The following PDGFC variants were observed in gnomAD, a reference collection of about 807,000 sequenced individuals.
PDGFC encodes platelet-derived growth factor C.
Under a neutral mutation model 35.5 loss-of-function variants are expected in PDGFC, and 12 were observed. That is an observed-to-expected ratio of 0.34 (90% CI 0.22 to 0.55). The LOEUF is 0.55. Ranked by LOEUF, PDGFC falls within the 20% of genes least tolerant of loss-of-function variation. The probability of loss-of-function intolerance (pLI) is 0.91; values close to 1 mark genes in which losing one functional copy is unlikely to be tolerated. For synonymous variants in PDGFC, 159 were observed against 148.8 expected, an observed-to-expected ratio of 1.07 and a Z score of -0.50; for missense variants, 322 against 412.4, an observed-to-expected ratio of 0.78 and a Z score of 1.90.
chr4:156,782,062 G>A (rs1255883657), intron 3 of PDGFC, among the ~76,000 whole-genome samples: 1 of 152,120 alleles, frequency 6.6e-6, no homozygotes, highest in Non-Finnish European at 1.5e-5. Flanking sequence ...CTAGACTGAT[G>A]TGGCAAATCA....
chr4:156,971,014 C>T lies in PDGFC; in HGVS notation c.-111G>A, dbSNP rs1579134748. ...GCTGCACTGGGGTGGAAGCGCCGAG[C>T]CTGCTCTGGCAGCAGAGAATCGCAG... On this transcript the variant is annotated 5_prime_UTR_variant, in exon 1 of 6. Transcript: ENST00000502773. 7 of 681,590 alleles carry T rather than the reference C, an allele frequency of 1.0e-5. No individual in the cohort carries two copies. The highest frequency in any genetic ancestry group is 1.7e-5 in the South Asian group (1 of 59,264). 42.2% of individuals were successfully genotyped at this position (681,590 alleles called of 1,614,324 possible).
chr4:156,782,714 CA>C (rs1447671433), intron 3 of PDGFC, among the ~76,000 whole-genome samples: 3 of 152,188 alleles, frequency 2.0e-5, no homozygotes, highest in South Asian at 2.1e-4. Flanking sequence ...AAACGATCAC[CA>C]GGGGCAACAG....
intron 3 of PDGFC, among the ~76,000 whole-genome samples, chr4:156,803,204 G>A (rs916389546): frequency 6.6e-6 from 1 of 152,108 alleles, no homozygotes; most frequent in African/African-American, 2.4e-5. Context: ...TGAGTGTACT[G>A]AGAGGAGATT....
At chr4:156,943,376 G>A (rs564961118) in intron 1 of PDGFC, among the ~76,000 whole-genome samples, 9 of 152,188 alleles carry the variant, frequency 5.9e-5, no homozygotes, top group Non-Finnish European at 8.8e-5. Flanking sequence ...TAGTAAAAGT[G>A]TGGTGCACAG....
At chr4:156,780,297 G>A (rs915256387) in intron 3 of PDGFC, among the ~76,000 whole-genome samples, 5 of 151,802 alleles carry the variant, frequency 3.3e-5, no homozygotes, top group South Asian at 2.1e-4. Context: ...TCAAGATAAC[G>A]CCTAACAGTG....
At chr4:156,883,598 A>C (rs957142418) in intron 1 of PDGFC, among the ~76,000 whole-genome samples, 4 of 152,216 alleles carry the variant, frequency 2.6e-5, no homozygotes, top group Admixed American at 2.0e-4. Context: ...GCAGAAGAAA[A>C]CAAATTAACT....
At chr4:156,775,487 T>C (rs1172508597) in intron 3 of PDGFC, among the ~76,000 whole-genome samples, 3 of 152,194 alleles carry the variant, frequency 2.0e-5, no homozygotes, top group African/African-American at 7.2e-5. Flanking sequence ...ATAATTGCTA[T>C]GTAGGGTAAT....
chr4:156,851,702 G>A (rs533567424), intron 1 of PDGFC, among the ~76,000 whole-genome samples: 1 of 152,108 alleles, frequency 6.6e-6, no homozygotes, highest in Non-Finnish European at 1.5e-5. Context: ...CCAGCACTTT[G>A]GGAGGCCGAG....
chr4:156,967,774 A>ATT (rs1268433305), intron 1 of PDGFC: 1 of 152,144 alleles, frequency 6.6e-6, no homozygotes, highest in Non-Finnish European at 1.5e-5. Context: ...AAATATGAGT[A>ATT]TTTTTCACCA....
chr4:156,806,740 T>C (rs1731780007), intron 3 of PDGFC, among the ~76,000 whole-genome samples: 1 of 152,120 alleles, frequency 6.6e-6, no homozygotes, highest in Non-Finnish European at 1.5e-5. Context: ...ATAAAGTCTT[T>C]TGATTCTGGA....
At position 156,932,108 on chromosome 4, in the gene PDGFC, T is replaced by A. The variant is rs148155389; in HGVS notation, c.118+38678A>T. Among the ~76,000 whole-genome samples the A allele has an allele frequency of 6.9e-3, 1,045 of 152,326 alleles. 11 individuals are homozygous for A. The highest frequency in any genetic ancestry group is 0.023 in the African/African-American group (940 of 41,570). On this transcript the variant is annotated intron_variant, in intron 1 of 5. Coordinates refer to ENST00000502773, the MANE Select transcript of PDGFC (RefSeq NM_016205.3). ...TTAATCTATTATTAAGAACATTTAATGTGCTCTGTTTTGATCAGGAGTCTA... is the reference window on the plus strand; with the variant it reads ...TTAATCTATTATTAAGAACATTTAAAGTGCTCTGTTTTGATCAGGAGTCTA...
chr4:156,803,299 T>C lies in PDGFC; in HGVS notation c.495+7538A>G, dbSNP rs190737048. ...CCAAAAAATAATTCTAAGGGAAACA[T>C]AAAAAGAACAGAAACGGAAATGTAG... is the stretch of plus-strand genomic sequence containing the variant. On this transcript the variant is annotated intron_variant, in intron 3 of 5. Coordinates refer to ENST00000502773, the MANE Select transcript of PDGFC (RefSeq NM_016205.3). Among the ~76,000 whole-genome samples the C allele has an allele frequency of 9.9e-5, 15 of 152,108 alleles. 1 individual carries two copies. In the East Asian group the frequency reaches 2.9e-3, roughly 29 times the overall value.
At chr4:156,915,321 T>C (rs866981822) in intron 1 of PDGFC, among the ~76,000 whole-genome samples, 17 of 152,080 alleles carry the variant, frequency 1.1e-4, no homozygotes, top group South Asian at 2.1e-4. Flanking sequence ...AACTCTAAGG[T>C]GGTCATCAGT....
At chr4:156,881,525 T>C (rs1171176066) in intron 1 of PDGFC, among the ~76,000 whole-genome samples, 1 of 152,030 alleles carries the variant, frequency 6.6e-6, no homozygotes, top group Non-Finnish European at 1.5e-5. Flanking sequence ...GTCTTTCCTG[T>C]GGTGTTCTCA....
At chr4:156,801,664 A>G (rs1731616410) in intron 3 of PDGFC, among the ~76,000 whole-genome samples, 1 of 152,228 alleles carries the variant, frequency 6.6e-6, no homozygotes, top group African/African-American at 2.4e-5. Flanking sequence ...AATCAAATAT[A>G]AAGTCAATCT....
rs76372821 is a variant in PDGFC, at chr4:156,879,470, C to T, written c.119-29054G>A. ...ACTTGAATCCCTCTTTAGTAAGAAGCCTAACAGTGAAAAAGATAACAAAAA... is the reference window on the plus strand; with the variant it reads ...ACTTGAATCCCTCTTTAGTAAGAAGTCTAACAGTGAAAAAGATAACAAAAA... On this transcript the variant is annotated intron_variant, in intron 1 of 5. Transcript: ENST00000502773. Among the ~76,000 whole-genome samples the T allele has an allele frequency of 8.2e-3, 1,242 of 152,154 alleles. 17 individuals carry two copies. Among genetic ancestry groups the T allele is most frequent in the African/African-American group, 0.029 (1,193 of 41,532 alleles).
chr4:156,804,764 T>C (rs1425482), intron 3 of PDGFC, among the ~76,000 whole-genome samples: 58,538 of 151,818 alleles, frequency 0.39, 14,703 homozygotes, highest in African/African-American at 0.71. Context: ...TTGCACCATA[T>C]TTATTTCTAG....
At chr4:156,884,524 C>T (rs943282370) in intron 1 of PDGFC, among the ~76,000 whole-genome samples, 6 of 152,242 alleles carry the variant, frequency 3.9e-5, no homozygotes, top group South Asian at 4.1e-4. Flanking sequence ...CTTAGACAGT[C>T]GAGTATCTAG....
intron 1 of PDGFC, among the ~76,000 whole-genome samples, chr4:156,891,892 CA>C (rs1242892933): frequency 1.3e-5 from 2 of 152,082 alleles, no homozygotes; most frequent in African/African-American, 4.8e-5. Flanking sequence ...TGTCAATGTA[CA>C]TTAAAGAGTT....
Sources: gnomAD v4.1 joint callset for allele counts (sites outside exome capture counted in the v4.1 genomes callset) on GRCh38, gnomAD v4.1.1 for gene constraint, MANE v1.5 for transcripts, NCBI Gene and HGNC (gene_info 2026-07-23, HGNC 2026-07-21) for gene names.